Variants in UBASH3B observed in about 807,000 individuals in gnomAD.
UBASH3B encodes ubiquitin associated and SH3 domain containing B.
In UBASH3B, 37 loss-of-function variants were observed where a neutral mutation model predicts 83.4. The observed-to-expected ratio is 0.44, with a 90% CI of 0.34 to 0.58. The LOEUF is 0.58. Among genes scored for constraint, UBASH3B ranks in the 20% least tolerant of loss-of-function variants. The pLI, the probability that UBASH3B is intolerant of heterozygous loss-of-function variation, is 0.01. For missense variants in UBASH3B, 657 were observed against 827.2 expected, an observed-to-expected ratio of 0.79 and a Z score of 2.52; for synonymous variants, 304 against 318.3, an observed-to-expected ratio of 0.96 and a Z score of 0.48.
intron 1 of UBASH3B, chr11:122,726,098 T>G (rs1256943272): frequency 6.6e-6 from 1 of 152,190 alleles, no homozygotes; most frequent in Non-Finnish European, 1.5e-5. Flanking sequence ...TACACACAAG[T>G]TTGCCCTTCC....
In UBASH3B at chr11:122,810,019, A is replaced by C; in HGVS notation, c.*133A>C. ...TTTAGCATATTTCCTTTCACACTTA[A>C]AGTTCTTAAGATGAGACTGTGTAAA... On this transcript the variant is annotated 3_prime_UTR_variant, in exon 14 of 14. Coordinates refer to ENST00000284273, the MANE Select transcript of UBASH3B (RefSeq NM_032873.5). 4 of 1,109,552 alleles carry C rather than the reference A, an allele frequency of 3.6e-6. No individual in the cohort carries two copies. Among genetic ancestry groups the C allele is most frequent in the Non-Finnish European group, 5.1e-6 (4 of 788,742 alleles). 68.7% of individuals were successfully genotyped at this position (1,109,552 alleles called of 1,614,324 possible). A position where few individuals can be genotyped will look rare whatever the true frequency, so the allele number is the denominator to read the frequency against.
chr11:122,801,666 G>A (rs939011173), intron 11 of UBASH3B, among the ~76,000 whole-genome samples: 1 of 152,182 alleles, frequency 6.6e-6, no homozygotes, highest in Non-Finnish European at 1.5e-5. Flanking sequence ...GGAGCGATAA[G>A]GGAGATGATG....
chr11:122,743,632 T>C (rs1861063274), intron 1 of UBASH3B, among the ~76,000 whole-genome samples: 1 of 152,174 alleles, frequency 6.6e-6, no homozygotes, highest in South Asian at 2.1e-4. Context: ...ATGCTAATTA[T>C]GAAAAAACTG....
chr11:122,777,631 T>C (rs1475982829), intron 3 of UBASH3B, among the ~76,000 whole-genome samples: 1 of 148,004 alleles, frequency 6.8e-6, no homozygotes. Context: ...GTTTTTTTTT[T>C]CCCGCTATAT....
intron 1 of UBASH3B, among the ~76,000 whole-genome samples, chr11:122,687,686 C>T (rs1342976004): frequency 6.6e-6 from 1 of 152,194 alleles, no homozygotes; most frequent in Non-Finnish European, 1.5e-5. Flanking sequence ...CACAGCATCA[C>T]TCAGTAAAAT....
At chr11:122,764,633 G>T (rs191973044) in intron 1 of UBASH3B, among the ~76,000 whole-genome samples, 1 of 152,222 alleles carries the variant, frequency 6.6e-6, no homozygotes, top group Non-Finnish European at 1.5e-5. Context: ...ACTGAATTGC[G>T]TGGATCTTAT....
At chr11:122,700,587 C>T (rs1330119414) in intron 1 of UBASH3B, among the ~76,000 whole-genome samples, 1 of 150,772 alleles carries the variant, frequency 6.6e-6, no homozygotes, top group Non-Finnish European at 1.5e-5. Context: ...ACCTCCACCT[C>T]CCGGGTTCAA....
chr11:122,781,275 A>G (rs867727223), intron 4 of UBASH3B, among the ~76,000 whole-genome samples: 11 of 152,066 alleles, frequency 7.2e-5, no homozygotes, highest in Admixed American at 1.3e-4. Context: ...GAGAAAGAGC[A>G]TAACTGAGAG....
At chr11:122,796,370 TA>T in intron 8 of UBASH3B, 94 bp downstream of exon 8, 2 of 1,534,724 alleles carry the variant, frequency 1.3e-6, no homozygotes, top group Non-Finnish European at 1.8e-6. Flanking sequence ...GAGTCATTCA[TA>T]GTTTTGCGTA....
At chr11:122,738,664 A>AG (rs1208298856) in intron 1 of UBASH3B, among the ~76,000 whole-genome samples, 6 of 152,152 alleles carry the variant, frequency 3.9e-5, no homozygotes, top group South Asian at 4.1e-4. Context: ...TGAGGTGGGC[A>AG]GATCACCTGA....
chr11:122,657,328 G>A (rs759582858), intron 1 of UBASH3B, among the ~76,000 whole-genome samples: 2 of 151,812 alleles, frequency 1.3e-5, no homozygotes, highest in South Asian at 2.1e-4. Context: ...ACGGAGTCTC[G>A]CTGTGTCGCC....
intron 5 of UBASH3B, among the ~76,000 whole-genome samples, chr11:122,785,521 T>A (rs563775431): frequency 3.3e-5 from 5 of 152,316 alleles, no homozygotes; most frequent in African/African-American, 1.2e-4. Context: ...CTCACTCGAT[T>A]TGGACACGCG....
intron 1 of UBASH3B, among the ~76,000 whole-genome samples, chr11:122,725,489 C>T (rs76761236): frequency 0.047 from 7,171 of 151,960 alleles, 215 homozygotes; most frequent in South Asian, 0.073. Context: ...ATTCAGCCCA[C>T]GACATTCAGG....
At chr11:122,702,165 C>T (rs1351903827) in intron 1 of UBASH3B, among the ~76,000 whole-genome samples, 1 of 152,140 alleles carries the variant, frequency 6.6e-6, no homozygotes, top group Non-Finnish European at 1.5e-5. Flanking sequence ...GAGGGATGGT[C>T]AGCAAACAGC....
At chr11:122,715,940 G>C (rs1265715919) in intron 1 of UBASH3B, among the ~76,000 whole-genome samples, 4 of 152,234 alleles carry the variant, frequency 2.6e-5, no homozygotes, top group African/African-American at 9.7e-5. Context: ...ACATTTTCCT[G>C]TCATTTGAAA....
intron 1 of UBASH3B, among the ~76,000 whole-genome samples, chr11:122,712,702 G>A (rs958489760): frequency 6.6e-6 from 1 of 152,074 alleles, no homozygotes. Flanking sequence ...TACCTGTGGT[G>A]TTGCACAAAC....
intron 1 of UBASH3B, among the ~76,000 whole-genome samples, chr11:122,711,997 G>A (rs1302367067): frequency 6.6e-6 from 1 of 150,386 alleles, no homozygotes. Context: ...GCTTCCCCTT[G>A]GTTTGAAGCC....
chr11:122,801,432 T>A, intron 11 of UBASH3B, 100 bp downstream of exon 11: 1 of 1,358,778 alleles, frequency 7.4e-7, no homozygotes, highest in Non-Finnish European at 1.0e-6. Flanking sequence ...GGACATCACC[T>A]ACAGGCAGTT....
intron 1 of UBASH3B, among the ~76,000 whole-genome samples, chr11:122,705,895 T>C (rs1864112273): frequency 6.6e-6 from 1 of 152,072 alleles, no homozygotes. Flanking sequence ...TGCCCTTCTT[T>C]TGTGAGGCGT....
Sources: allele counts gnomAD v4.1 joint callset (sites outside exome capture counted in the v4.1 genomes callset), GRCh38; gene constraint gnomAD v4.1.1; transcripts MANE v1.5; gene names NCBI Gene and HGNC (gene_info 2026-07-23, HGNC 2026-07-21).